The following RBFOX3 variants were observed in gnomAD, a reference collection of about 807,000 sequenced individuals.
RBFOX3 encodes the protein RNA binding fox-1 homolog 3.
RBFOX3 carries 17 observed loss-of-function variants against 48.7 expected under a neutral mutation model. That is an observed-to-expected ratio of 0.35 (90% confidence interval 0.24 to 0.52). RBFOX3 has a LOEUF of 0.52. RBFOX3 is among the 20% of genes least tolerant of loss of function. The pLI is 0.94. For missense variants in RBFOX3, 382 were observed against 497.5 expected, an observed-to-expected ratio of 0.77 and a Z score of 2.21; for synonymous variants, 212 against 209.5, an observed-to-expected ratio of 1.01 and a Z score of -0.10.
chr17:79,547,547 C>T (rs1282615426), intron 1 of RBFOX3, among the ~76,000 whole-genome samples: 1 of 152,160 alleles, frequency 6.6e-6, no homozygotes, highest in Non-Finnish European at 1.5e-5. Context: ...CAGACAAGCC[C>T]TCCTGAACCC....
chr17:79,258,006 C>G (rs373624365), intron 3 of RBFOX3, among the ~76,000 whole-genome samples: 1 of 152,156 alleles, frequency 6.6e-6, no homozygotes, highest in Admixed American at 6.5e-5. Flanking sequence ...CCTTTATCCC[C>G]TTCTCTCCCC....
intron 3 of RBFOX3, among the ~76,000 whole-genome samples, chr17:79,273,412 G>C (rs1028800438): frequency 4.6e-5 from 7 of 152,178 alleles, no homozygotes; most frequent in Non-Finnish European, 1.0e-4. Context: ...GAAGGGGAGA[G>C]AGTGTTTTAG....
chr17:79,333,707 A>G (rs2080758595), intron 2 of RBFOX3, among the ~76,000 whole-genome samples: 1 of 152,082 alleles, frequency 6.6e-6, no homozygotes, highest in Admixed American at 6.6e-5. Flanking sequence ...CCAAAGACAC[A>G]CCCACAGTCA....
intron 1 of RBFOX3, among the ~76,000 whole-genome samples, chr17:79,553,685 C>T (rs1346437552): frequency 3.9e-5 from 6 of 152,072 alleles, no homozygotes. Context: ...TATTATTCCT[C>T]ATTATGTGTT....
chr17:79,097,951 TG>T (rs1402375396), intron 9 of RBFOX3: 7 of 592,436 alleles, frequency 1.2e-5, no homozygotes, highest in Non-Finnish European at 2.1e-5. Flanking sequence ...CTCTTCTGCC[TG>T]GGGGTCTGCT....
the RBFOX3 span, among the ~76,000 whole-genome samples, chr17:79,623,823 T>TAA: frequency 5.7e-3 from 601 of 105,966 alleles, 16 homozygotes; most frequent in East Asian, 0.059. Flanking sequence ...ACTCTGTCTC[T>TAA]AAAAAAAAAA....
chr17:79,140,986 G>A (rs1311310335), intron 4 of RBFOX3, among the ~76,000 whole-genome samples: 2 of 152,198 alleles, frequency 1.3e-5, no homozygotes, highest in South Asian at 2.1e-4. Context: ...GGCAGCCCGG[G>A]TGGCTTCGCA....
intron 2 of RBFOX3, among the ~76,000 whole-genome samples, chr17:79,382,074 C>A (rs1253441110): frequency 6.6e-6 from 1 of 152,256 alleles, no homozygotes; most frequent in Non-Finnish European, 1.5e-5. Context: ...TAAACTCACA[C>A]ACTGCGGGAC....
intron 1 of RBFOX3, among the ~76,000 whole-genome samples, chr17:79,579,869 T>C (rs2092995238): frequency 3.0e-5 from 2 of 66,928 alleles, no homozygotes; most frequent in Admixed American, 2.2e-4. Flanking sequence ...ACTGGCGCTG[T>C]GGTGGGGGGT....
the RBFOX3 span, among the ~76,000 whole-genome samples, chr17:79,620,439 GCACATGCA>G: frequency 7.4e-6 from 1 of 134,966 alleles, no homozygotes; most frequent in East Asian, 2.2e-4. Flanking sequence ...GTGCACACAT[GCACATGCA>G]CACATGCGCA....
In RBFOX3 at chr17:79,390,516, C is replaced by T. The variant is rs981723846; in HGVS notation, c.-174-82692G>A. Among the ~76,000 whole-genome samples the T allele has an allele frequency of 3.3e-5, 5 of 150,286 alleles. No homozygotes were observed. The highest frequency in any genetic ancestry group is 2.1e-4 in the South Asian group (1 of 4,768). ...TTTTTAGATGGAGTCTCGCTCTTGT[C>T]GCCCAGGCTGGAGTGCAGTGGCACA... On this transcript the variant is annotated intron_variant, in intron 2 of 14. Transcript: ENST00000693108. The surrounding 1 kb of genome is among the most constrained non-coding windows in gnomAD (Gnocchi z 4.2).
At chr17:79,156,402 G>T (rs953903124) in intron 4 of RBFOX3, among the ~76,000 whole-genome samples, 2 of 152,106 alleles carry the variant, frequency 1.3e-5, no homozygotes, top group African/African-American at 4.8e-5. Flanking sequence ...CATTCCCAGG[G>T]ACAGTGACCC....
the RBFOX3 span, among the ~76,000 whole-genome samples, chr17:79,661,745 T>C: frequency 2.0e-5 from 3 of 152,372 alleles, no homozygotes; most frequent in Non-Finnish European, 4.4e-5. Flanking sequence ...AATCATTCTA[T>C]ATTTCTAGCA....
chr17:79,200,319 C>A (rs981045032), intron 4 of RBFOX3, among the ~76,000 whole-genome samples: 1 of 152,248 alleles, frequency 6.6e-6, no homozygotes, highest in Non-Finnish European at 1.5e-5. Flanking sequence ...CACAGCCACT[C>A]CCAGGGAGTC....
intron 6 of RBFOX3, among the ~76,000 whole-genome samples, chr17:79,104,570 G>A (rs1236554422): frequency 2.0e-5 from 3 of 152,218 alleles, no homozygotes; most frequent in African/African-American, 7.2e-5. Flanking sequence ...GGTACCCAAG[G>A]CATGACTGCC....
chr17:79,578,610 G>A (rs2092940757), intron 1 of RBFOX3, among the ~76,000 whole-genome samples: 1 of 152,236 alleles, frequency 6.6e-6, no homozygotes, highest in Admixed American at 6.5e-5. Context: ...CACCTTTTCC[G>A]CATCCTCAAC....
chr17:79,498,475 A>G (rs1218534322), intron 1 of RBFOX3, among the ~76,000 whole-genome samples: 3 of 149,912 alleles, frequency 2.0e-5, no homozygotes, highest in African/African-American at 7.4e-5. Flanking sequence ...TCACTCATCC[A>G]TCCATCCATC....
At chr17:79,295,701 C>G (rs1291514710) in intron 3 of RBFOX3, among the ~76,000 whole-genome samples, 3 of 152,188 alleles carry the variant, frequency 2.0e-5, no homozygotes, top group Admixed American at 1.3e-4. Context: ...GTCAGCTCCC[C>G]CTGCTCCCCC....
At chr17:79,175,417 G>A (rs1451723378) in intron 4 of RBFOX3, among the ~76,000 whole-genome samples, 2 of 152,236 alleles carry the variant, frequency 1.3e-5, no homozygotes, top group East Asian at 3.8e-4. Flanking sequence ...AGATGGACAC[G>A]GACCTATGAC....
Sources: allele counts gnomAD v4.1 joint callset (sites outside exome capture counted in the v4.1 genomes callset), GRCh38; gene constraint gnomAD v4.1.1; non-coding constraint Gnocchi (gnomAD v3.1); transcripts MANE v1.5; gene names NCBI Gene and HGNC (gene_info 2026-07-23, HGNC 2026-07-21).